The following FRMD5 variants were observed in gnomAD, a reference collection of about 807,000 sequenced individuals.
FRMD5 encodes the protein FERM domain-containing protein 5.
Under a neutral mutation model 69.0 loss-of-function variants are expected in FRMD5, and 20 were observed. That is an observed-to-expected ratio of 0.29 (90% confidence interval 0.20 to 0.42). The LOEUF (loss-of-function observed/expected upper bound fraction) is 0.42, where lower values mean the gene tolerates loss of function less well. Among genes scored for constraint, FRMD5 ranks in the 10% least tolerant of loss-of-function variants. The probability of loss-of-function intolerance (pLI) is 1.00; values close to 1 mark genes in which losing one functional copy is unlikely to be tolerated. For missense variants in FRMD5, 595 were observed against 708.6 expected (o/e 0.84, Z 1.82); for synonymous variants, 271 against 260.1 (o/e 1.04, Z -0.40).
chr15:44,141,926 T>C (rs2077279591), intron 1 of FRMD5, among the ~76,000 whole-genome samples: 1 of 152,186 alleles, frequency 6.6e-6, no homozygotes, highest in Non-Finnish European at 1.5e-5. Context: ...TAGGGTTTTT[T>C]TGTCTTCTCC....
chr15:44,197,678 C>CAAAA (rs5812271), upstream of FRMD5, among the ~76,000 whole-genome samples: 99 of 84,004 alleles, frequency 1.2e-3, no homozygotes, highest in Non-Finnish European at 1.6e-3. Context: ...GACTCCATCT[C>CAAAA]AAAAAAAAAA....
intron 1 of FRMD5, among the ~76,000 whole-genome samples, chr15:44,139,760 C>G (rs1176906070): frequency 8.4e-6 from 1 of 119,728 alleles, no homozygotes; most frequent in Non-Finnish European, 1.8e-5. Context: ...AAAGACATGA[C>G]ATAATGATAA....
At chr15:43,972,630 C>T (rs1020942755) in intron 1 of FRMD5, among the ~76,000 whole-genome samples, 4 of 151,990 alleles carry the variant, frequency 2.6e-5, no homozygotes, top group African/African-American at 4.8e-5. Context: ...CCCCCTTGGC[C>T]GGGTGCCCTT....
chr15:43,948,238 A>G (rs1031300524), intron 1 of FRMD5, among the ~76,000 whole-genome samples: 1 of 152,234 alleles, frequency 6.6e-6, no homozygotes, highest in Non-Finnish European at 1.5e-5. Flanking sequence ...CAAAATAACA[A>G]AAAATAACCA....
At chr15:43,979,432 T>C (rs2090515136) in intron 1 of FRMD5, among the ~76,000 whole-genome samples, 1 of 152,174 alleles carries the variant, frequency 6.6e-6, no homozygotes, top group African/African-American at 2.4e-5. Flanking sequence ...TCCATGGTTA[T>C]TCAGATGCAA....
Position 44,104,837 on chromosome 15 carries a change from T to C in FRMD5, c.102+90116A>G, listed in dbSNP as rs75591139. On this transcript the variant is annotated intron_variant, in intron 1 of 13. Coordinates refer to ENST00000417257, the MANE Select transcript of FRMD5 (RefSeq NM_032892.5). ...CATGACTGTAACTGGAATCATACAA[T>C]ATGTAGTCTTCTCGATTGGTTTCTT... is the stretch of plus-strand genomic sequence containing the variant. Among the ~76,000 whole-genome samples, 317 of 152,270 alleles carry C rather than the reference T, an allele frequency of 2.1e-3. 4 individuals carry two copies. The East Asian group carries it at 0.051, about 25-fold the overall frequency.
chr15:43,980,030 G>C (rs1249452924), intron 1 of FRMD5, among the ~76,000 whole-genome samples: 2 of 152,198 alleles, frequency 1.3e-5, no homozygotes, highest in Admixed American at 6.5e-5. Context: ...CAGAATCCTA[G>C]ATGTTCCATT....
chr15:44,147,762 G>A lies in FRMD5; in HGVS notation c.102+47191C>T, dbSNP rs1438091999. On this transcript the variant is annotated intron_variant, in intron 1 of 13. Transcript: ENST00000417257. ...CTACTGAAGGCTTCCAACTTCCAGG[G>A]GAAGGCTTGGATGGTAAAGTGTGGT... Among the ~76,000 whole-genome samples the A allele has an allele frequency of 2.0e-5, 3 of 151,996 alleles. No homozygotes were observed. The East Asian group carries it at 5.8e-4, about 29-fold the overall frequency.
chr15:44,126,593 G>C (rs1176530775), intron 1 of FRMD5, among the ~76,000 whole-genome samples: 2 of 152,112 alleles, frequency 1.3e-5, no homozygotes. Flanking sequence ...TTGACCAGGA[G>C]CCAATTCCAA....
At chr15:43,988,677 G>T (rs1038868561) in intron 1 of FRMD5, among the ~76,000 whole-genome samples, 2 of 152,126 alleles carry the variant, frequency 1.3e-5, no homozygotes, top group Non-Finnish European at 2.9e-5. Flanking sequence ...AAAAAAAGTT[G>T]TATTACATAA....
chr15:44,043,366 A>T (rs10152607), intron 1 of FRMD5, among the ~76,000 whole-genome samples: 137,209 of 152,184 alleles, frequency 0.9, 62,413 homozygotes, highest in East Asian at 1. Context: ...AATTTACAGA[A>T]TGAATGCTAT....
intron 1 of FRMD5, among the ~76,000 whole-genome samples, chr15:44,174,432 T>C (rs935749813): frequency 1.3e-5 from 2 of 152,198 alleles, no homozygotes; most frequent in African/African-American, 4.8e-5. Flanking sequence ...TTCCCTCACC[T>C]ATTTCTATAA....
chr15:43,903,165 G>A (rs986757310), intron 6 of FRMD5, among the ~76,000 whole-genome samples: 3 of 152,234 alleles, frequency 2.0e-5, no homozygotes, highest in Non-Finnish European at 4.4e-5. Context: ...TAACCATCAG[G>A]CTCTTGCCTG....
At position 44,175,181 on chromosome 15, in the gene FRMD5, T is replaced by A. The variant is rs188926768; in HGVS notation, c.102+19772A>T. 3.9e-3 allele frequency among the ~76,000 whole-genome samples: 599 copies of A among 152,292 alleles called. 5 individuals are homozygous for A. Among genetic ancestry groups the A allele is most frequent in the African/African-American group, 0.013 (560 of 41,558 alleles). On this transcript the variant is annotated intron_variant, in intron 1 of 13. Coordinates refer to ENST00000417257, the MANE Select transcript of FRMD5 (RefSeq NM_032892.5). ...TTCAATATTTTTAAAACTGATAAAA[T>A]GTAGAGCCCTTCTAGGCAGGTTGCT...
chr15:44,066,616 T>C (rs1274011306), intron 1 of FRMD5, among the ~76,000 whole-genome samples: 1 of 152,096 alleles, frequency 6.6e-6, no homozygotes, highest in Non-Finnish European at 1.5e-5. Flanking sequence ...ATGAAGGGCT[T>C]TGAATATTAG....
At chr15:43,996,715 A>ATTTTTTTTTTTTTTTTTTTTTTT (rs11397296) in intron 1 of FRMD5, among the ~76,000 whole-genome samples, 1 of 86,020 alleles carries the variant, frequency 1.2e-5, no homozygotes, top group Non-Finnish European at 2.0e-5. Context: ...TCCTCAGCTG[A>ATTTTTTTTTTTTTTTTTTTTTTT]TTTTTTTTTT....
At chr15:44,105,073 C>T (rs1187918283) in intron 1 of FRMD5, among the ~76,000 whole-genome samples, 1 of 142,692 alleles carries the variant, frequency 7.0e-6, no homozygotes, top group East Asian at 2.2e-4. Flanking sequence ...GCCTATATCA[C>T]TCAAATTCTT....
chr15:44,119,735 T>C (rs1157626160), intron 1 of FRMD5, among the ~76,000 whole-genome samples: 1 of 150,888 alleles, frequency 6.6e-6, no homozygotes, highest in Non-Finnish European at 1.5e-5. Flanking sequence ...ACTTCTTTTT[T>C]TTTTTTTTTT....
At chr15:44,168,821 G>C (rs1049424580) in intron 1 of FRMD5, among the ~76,000 whole-genome samples, 5 of 152,150 alleles carry the variant, frequency 3.3e-5, no homozygotes, top group Admixed American at 6.5e-5. Flanking sequence ...CCGAGGTGCT[G>C]ATCTTAATGC....
Sources: gnomAD v4.1 joint callset for allele counts (sites outside exome capture counted in the v4.1 genomes callset) on GRCh38, gnomAD v4.1.1 for gene constraint, MANE v1.5 for transcripts, NCBI Gene and HGNC (gene_info 2026-07-23, HGNC 2026-07-21) for gene names.